Variants in TSHZ2 observed in about 807,000 individuals in gnomAD.
The protein encoded by TSHZ2 is teashirt homolog 2.
A neutral mutation model predicts 74.4 loss-of-function variants in TSHZ2; 21 were observed. That is an observed-to-expected ratio of 0.28 (90% CI 0.20 to 0.41). The LOEUF (loss-of-function observed/expected upper bound fraction) is 0.41, where lower values mean the gene tolerates loss of function less well. Among genes scored for constraint, TSHZ2 ranks in the 10% least tolerant of loss-of-function variants. TSHZ2 has a pLI of 1.00. For missense variants in TSHZ2, 1,244 were observed against 1,293.5 expected, an observed-to-expected ratio of 0.96 and a Z score of 0.59; for synonymous variants, 540 against 515.3, an observed-to-expected ratio of 1.05 and a Z score of -0.65.
At chr20:53,022,202 A>G (rs971245333) in intron 1 of TSHZ2, among the ~76,000 whole-genome samples, 1 of 152,242 alleles carries the variant, frequency 6.6e-6, no homozygotes, top group Non-Finnish European at 1.5e-5. Context: ...TACATTCATC[A>G]GGAAAGAAAA....
At chr20:53,001,431 A>T (rs1982438693) in intron 1 of TSHZ2, among the ~76,000 whole-genome samples, 1 of 152,184 alleles carries the variant, frequency 6.6e-6, no homozygotes. Flanking sequence ...GAAAGGATTC[A>T]TGACCTGTTT....
At chr20:53,391,479 G>T (rs865980966) in intron 2 of TSHZ2, among the ~76,000 whole-genome samples, 27 of 141,278 alleles carry the variant, frequency 1.9e-4, no homozygotes, top group South Asian at 1.7e-3. Flanking sequence ...TTTTGTTTTT[G>T]TTTTTTTTTT....
intron 2 of TSHZ2, among the ~76,000 whole-genome samples, chr20:53,304,627 C>T (rs1198510577): frequency 7.3e-6 from 1 of 136,286 alleles, no homozygotes; most frequent in East Asian, 1.9e-4. Context: ...TTGTTTGTTT[C>T]CTTGTTTGTT....
intron 2 of TSHZ2, among the ~76,000 whole-genome samples, chr20:53,471,091 C>T (rs1462738413): frequency 1.3e-5 from 2 of 152,174 alleles, no homozygotes; most frequent in African/African-American, 4.8e-5. Flanking sequence ...AACTTGAAAG[C>T]ACCAAATAGA....
At chr20:53,260,349 C>G (rs371282885) in intron 2 of TSHZ2, among the ~76,000 whole-genome samples, 8 of 152,254 alleles carry the variant, frequency 5.3e-5, no homozygotes, top group Admixed American at 6.5e-5. Context: ...GCCTGAATTC[C>G]CCAAGGTCCT....
At chr20:53,055,166 C>G (rs1433274773) in intron 1 of TSHZ2, among the ~76,000 whole-genome samples, 1 of 152,184 alleles carries the variant, frequency 6.6e-6, no homozygotes, top group Non-Finnish European at 1.5e-5. Context: ...ATAATTAACC[C>G]TCTATCCACA....
intron 2 of TSHZ2, among the ~76,000 whole-genome samples, chr20:53,458,898 T>C (rs2145805316): frequency 6.6e-6 from 1 of 152,318 alleles, no homozygotes; most frequent in African/African-American, 2.4e-5. Context: ...AATCCTGAGT[T>C]CTAGTTTGAT....
At chr20:53,147,111 G>C (rs368767401) in intron 1 of TSHZ2, among the ~76,000 whole-genome samples, 1 of 133,856 alleles carries the variant, frequency 7.5e-6, no homozygotes, top group Non-Finnish European at 1.8e-5. Context: ...CATGCTTTTT[G>C]TTTTTTATTC....
Position 53,489,638 on chromosome 20 carries a change from T to A in TSHZ2, c.*2503T>A, listed in dbSNP as rs1011260962. 6.4e-6 allele frequency: 1 copy of A among 156,100 alleles called. No homozygotes were observed. Among genetic ancestry groups the A allele is most frequent in the Non-Finnish European group, 1.4e-5 (1 of 70,394 alleles). 9.7% of individuals were successfully genotyped at this position (156,100 alleles called of 1,614,324 possible). A position where few individuals can be genotyped will look rare whatever the true frequency, so the allele number is the denominator to read the frequency against. ...CATCTGCTTCAACATATAATCGATA[T>A]GGTTTTGTTAGCGTAATTTCTATGG... On this transcript the variant is annotated 3_prime_UTR_variant, in exon 3 of 3. Coordinates refer to ENST00000371497, the MANE Select transcript of TSHZ2 (RefSeq NM_173485.6).
At chr20:53,424,607 G>A (rs1983595491) in intron 2 of TSHZ2, among the ~76,000 whole-genome samples, 4 of 151,628 alleles carry the variant, frequency 2.6e-5, no homozygotes, top group Admixed American at 2.6e-4. Context: ...TGCAAGATGT[G>A]CAGGTCTGTT....
chr20:53,253,977 G>A lies in TSHZ2; in HGVS notation c.519G>A (p.Leu173=), dbSNP rs988628904. The part of the protein sequence containing the change: ...KSDFDWHQDA[L]SKSLQQNLPS... ...ATTTTGATTGGCACCAAGACGCTCT[G>A]TCCAAAAGCCTGCAGCAGAACTTGC... Residue 173 remains leucine, a synonymous_variant, in exon 2 of 3, where the codon CTG becomes CTA. Transcript: ENST00000371497. The A allele has an allele frequency of 1.2e-5, 20 of 1,614,140 alleles. No homozygotes were observed. The highest frequency in any genetic ancestry group is 1.7e-5 in the Non-Finnish European group (20 of 1,180,038).
At position 53,493,894 on chromosome 20, in the gene TSHZ2, A is replaced by C. The variant is rs566636200; in HGVS notation, c.*6759A>C. 6.6e-5 allele frequency: 10 copies of C among 152,324 alleles called. No homozygotes were observed. The highest frequency in any genetic ancestry group is 2.0e-4 in the Admixed American group (3 of 15,306). The allele number at this position is 152,324 out of a possible 1,614,324, so 9.4% of individuals were successfully genotyped here. ...TTTACTCCCCATTATCCTGAATATT[A>C]GCTTTCAATGCAGTCACTATTTGAC... On this transcript the variant is annotated 3_prime_UTR_variant, in exon 3 of 3. Transcript: ENST00000371497.
rs1449925691 is a variant in TSHZ2 at position 53,105,669 on chromosome 20, CAG to C, written c.40+132337_40+132338del. 4.2e-4 allele frequency among the ~76,000 whole-genome samples: 64 copies of C among 151,606 alleles called. 1 individual carries two copies. Among genetic ancestry groups the C allele is most frequent in the Admixed American group, 4.2e-3 (64 of 15,230 alleles). ...ATTTTTATTTATTAATTTTTTGAAACAGGGACTTACAGGGTGGCCCAGGCTGG... is the reference window on the plus strand; with the variant it reads ...ATTTTTATTTATTAATTTTTTGAAACGGACTTACAGGGTGGCCCAGGCTGG... On this transcript the variant is annotated intron_variant, in intron 1 of 2. Coordinates refer to ENST00000371497, the MANE Select transcript of TSHZ2 (RefSeq NM_173485.6).
At chr20:52,990,964 A>G (rs1468544020) in intron 1 of TSHZ2, among the ~76,000 whole-genome samples, 1 of 152,034 alleles carries the variant, frequency 6.6e-6, no homozygotes, top group East Asian at 1.9e-4. Flanking sequence ...GTATATTTTG[A>G]TTGTGTATTT....
At chr20:53,065,348 C>T (rs185888420) in intron 1 of TSHZ2, among the ~76,000 whole-genome samples, 192 of 152,220 alleles carry the variant, frequency 1.3e-3, no homozygotes, top group Non-Finnish European at 2.0e-3. Context: ...TTTAGTCATT[C>T]ATCTGTCAAA....
intron 1 of TSHZ2, among the ~76,000 whole-genome samples, chr20:53,111,281 A>G (rs1986528396): frequency 6.6e-6 from 1 of 152,238 alleles, no homozygotes; most frequent in Admixed American, 6.5e-5. Flanking sequence ...AACATCTATT[A>G]TTTGCCAGAA....
At position 53,069,481 on chromosome 20, in the gene TSHZ2, C is replaced by T. The variant is rs185791481; in HGVS notation, c.40+96148C>T. ...AAAAAATATCGAGGTTTTACTTTAT[C>T]GGTAAAACTACCATCTACCAAAACA... On this transcript the variant is annotated intron_variant, in intron 1 of 2. Transcript: ENST00000371497. Among the ~76,000 whole-genome samples, 641 of 152,148 alleles carry T rather than the reference C, an allele frequency of 4.2e-3. 4 individuals carry two copies. Among genetic ancestry groups the T allele is most frequent in the African/African-American group, 0.015 (615 of 41,494 alleles).
chr20:53,182,725 A>T (rs1988511470), intron 1 of TSHZ2, among the ~76,000 whole-genome samples: 1 of 152,160 alleles, frequency 6.6e-6, no homozygotes, highest in East Asian at 1.9e-4. Flanking sequence ...GTTTTCTGCC[A>T]AATTTGTTCC....
intron 1 of TSHZ2, among the ~76,000 whole-genome samples, chr20:53,117,458 C>T (rs1471342935): frequency 6.6e-6 from 1 of 152,182 alleles, no homozygotes; most frequent in Non-Finnish European, 1.5e-5. Flanking sequence ...CTTCAGGAGC[C>T]TCCTTCCTGG....
Sources: allele counts gnomAD v4.1 joint callset (sites outside exome capture counted in the v4.1 genomes callset), GRCh38; gene constraint gnomAD v4.1.1; transcripts MANE v1.5; gene names NCBI Gene and HGNC (gene_info 2026-07-23, HGNC 2026-07-21).